Variants in SLC26A7 observed in about 807,000 individuals in gnomAD.
SLC26A7 encodes solute carrier family 26 member 7, also known as anion exchange transporter.
SLC26A7 carries 59 observed loss-of-function variants against 82.5 expected under a neutral mutation model. That is an observed-to-expected ratio of 0.72 (90% confidence interval 0.58 to 0.89). SLC26A7 has a LOEUF of 0.89. Ranked by LOEUF, SLC26A7 falls within the 40% of genes least tolerant of loss-of-function variation. SLC26A7 has a pLI of 0.00. For synonymous variants in SLC26A7, 271 were observed against 274.3 expected (o/e 0.99, Z 0.12); for missense variants, 820 against 793.0 (o/e 1.03, Z -0.41).
chr8:91,368,054 A>G (rs559370199), intron 14 of SLC26A7, among the ~76,000 whole-genome samples: 1 of 152,212 alleles, frequency 6.6e-6, no homozygotes, highest in African/African-American at 2.4e-5. Context: ...ATTATTAAGG[A>G]TTTCAAGATG....
chr8:91,216,964 C>A (rs945537816), intron 1 of SLC26A7, among the ~76,000 whole-genome samples: 1 of 152,116 alleles, frequency 6.6e-6, no homozygotes, highest in African/African-American at 2.4e-5. Context: ...TCTCCCCAGG[C>A]AGACACATTC....
At chr8:91,379,425 C>A (rs1814608831) in intron 15 of SLC26A7, among the ~76,000 whole-genome samples, 2 of 151,928 alleles carry the variant, frequency 1.3e-5, no homozygotes, top group Admixed American at 1.3e-4. Flanking sequence ...TATTATAAAG[C>A]TCTAATAATC....
At chr8:91,333,751 C>T (rs567983360) in intron 5 of SLC26A7, among the ~76,000 whole-genome samples, 2 of 152,216 alleles carry the variant, frequency 1.3e-5, no homozygotes, top group African/African-American at 4.8e-5. Flanking sequence ...TCGCAATGGG[C>T]ATGGTGCTTG....
intron 2 of SLC26A7, among the ~76,000 whole-genome samples, chr8:91,225,822 C>T (rs1184530255): frequency 6.6e-6 from 1 of 151,864 alleles, no homozygotes; most frequent in African/African-American, 2.4e-5. Context: ...TTGTCAGATT[C>T]CAAGGTACTG....
At chr8:91,354,751 C>T (rs549098476) in intron 11 of SLC26A7, among the ~76,000 whole-genome samples, 1 of 152,068 alleles carries the variant, frequency 6.6e-6, no homozygotes, top group Non-Finnish European at 1.5e-5. Context: ...ATTTGTTAGT[C>T]CTCACCACCA....
chr8:91,348,354 G>T, intron 9 of SLC26A7: 3 of 985,306 alleles, frequency 3.0e-6, no homozygotes, highest in Non-Finnish European at 3.6e-6. Context: ...AACTGCTTAG[G>T]AAGTAAATGG....
At chr8:91,324,433 A>G (rs1812880370) in intron 5 of SLC26A7, among the ~76,000 whole-genome samples, 2 of 152,196 alleles carry the variant, frequency 1.3e-5, no homozygotes, top group African/African-American at 4.8e-5. Context: ...ATCATGACTC[A>G]TGTTTAAAGG....
intron 16 of SLC26A7, 87 bp downstream of exon 16, chr8:91,389,525 C>T: frequency 1.1e-6 from 1 of 944,012 alleles, no homozygotes; most frequent in Middle Eastern, 2.3e-4. Context: ...TAGTCTTGAG[C>T]CTGCTTGTTG....
At chr8:91,340,783 C>G in intron 8 of SLC26A7, 1 of 483,740 alleles carries the variant, frequency 2.1e-6, no homozygotes, top group South Asian at 2.2e-5. Context: ...TCATGATGTT[C>G]TTTTTGATTT....
intron 2 of SLC26A7, among the ~76,000 whole-genome samples, chr8:91,279,009 T>G (rs1031269509): frequency 6.6e-6 from 1 of 151,536 alleles, no homozygotes; most frequent in African/African-American, 2.4e-5. Context: ...GTAATTGTCT[T>G]TCTGTGCCTA....
intron 4 of SLC26A7, among the ~76,000 whole-genome samples, chr8:91,317,234 T>C (rs1280957219): frequency 1.3e-5 from 2 of 151,764 alleles, no homozygotes; most frequent in Middle Eastern, 3.4e-3. Context: ...CCCAGCAGAG[T>C]TCAATGCACA....
At chr8:91,383,657 A>AT (rs1344733377) in intron 15 of SLC26A7, among the ~76,000 whole-genome samples, 1 of 152,172 alleles carries the variant, frequency 6.6e-6, no homozygotes, top group Non-Finnish European at 1.5e-5. Context: ...GACATCTTCC[A>AT]TTACCACTTT....
Position 91,318,334 on chromosome 8 carries a change from T to G in SLC26A7, c.596T>G (p.Leu199Trp). The G allele has an allele frequency of 6.2e-7, 1 of 1,612,442 alleles. No homozygotes were observed. The highest frequency in any genetic ancestry group is 8.5e-7 in the Non-Finnish European group (1 of 1,179,146). The change falls in exon 5 of 19, where the codon TTG becomes TGG. Residue 199 changes from leucine to tryptophan, a missense_variant. Physicochemically the swap from Leu to Trp is moderately conservative, Grantham distance 61. Coordinates refer to ENST00000276609, the MANE Select transcript of SLC26A7 (RefSeq NM_052832.4). ...HVVTSQVKYL[L>W]GMKMPYISGP... ...GTGACTTCACAAGTCAAATATCTCT[T>G]GGGAATGAAAATGCCATATATATCC...
At chr8:91,303,047 A>C (rs1434084546) in intron 4 of SLC26A7, among the ~76,000 whole-genome samples, 1 of 152,120 alleles carries the variant, frequency 6.6e-6, no homozygotes, top group Non-Finnish European at 1.5e-5. Context: ...AAAGTCTTTT[A>C]GTGGAATTGA....
chr8:91,299,738 A>C (rs1236171263), intron 4 of SLC26A7, among the ~76,000 whole-genome samples: 5 of 152,068 alleles, frequency 3.3e-5, no homozygotes, highest in Admixed American at 3.3e-4. Context: ...TTGTATTTTT[A>C]ATTTTTGTGT....
At chr8:91,364,621 A>G (rs1814140032) in intron 13 of SLC26A7, among the ~76,000 whole-genome samples, 1 of 152,202 alleles carries the variant, frequency 6.6e-6, no homozygotes. Context: ...TATCCACACC[A>G]CAAGTACACA....
At position 91,352,907 on chromosome 8, in the gene SLC26A7, C is replaced by T. The variant is rs1270753696; in HGVS notation, c.1225C>T (p.Leu409Phe). Residue 409 changes from leucine (L) to phenylalanine (F), a missense_variant, in exon 11 of 19, where the codon CTT (leucine) becomes TTT (phenylalanine). Leu to Phe is a conservative substitution (Grantham distance 22). Coordinates refer to ENST00000276609, the MANE Select transcript of SLC26A7 (RefSeq NM_052832.4). Reference protein sequence around the residue: ...PLLYWLPMCVLASIIVVGLKG... With the variant: ...PLLYWLPMCVFASIIVVGLKG... ...ACTTACGTTTTATTTCTAGTGTGTCCTTGCAAGCATTATTGTTGTGGGACT... is the reference window on the plus strand; with the variant it reads ...ACTTACGTTTTATTTCTAGTGTGTCTTTGCAAGCATTATTGTTGTGGGACT... The T allele has an allele frequency of 1.3e-6, 2 of 1,597,910 alleles. No homozygotes were observed. The highest frequency in any genetic ancestry group is 1.4e-5 in the African/African-American group (1 of 74,044).
At chr8:91,389,789 T>G (rs1410359468) in intron 16 of SLC26A7, among the ~76,000 whole-genome samples, 1 of 152,208 alleles carries the variant, frequency 6.6e-6, no homozygotes, top group Non-Finnish European at 1.5e-5. Flanking sequence ...ACAGGCTGCA[T>G]AAGTAAGTGC....
intron 2 of SLC26A7, among the ~76,000 whole-genome samples, chr8:91,265,011 G>A (rs1563650323): frequency 6.6e-6 from 1 of 151,842 alleles, no homozygotes; most frequent in Non-Finnish European, 1.5e-5. Flanking sequence ...GTAACTTTGT[G>A]CCCATTGGGT....
Sources: gnomAD v4.1 joint callset for allele counts (sites outside exome capture counted in the v4.1 genomes callset) on GRCh38, gnomAD v4.1.1 for gene constraint, MANE v1.5 for transcripts, NCBI Gene and HGNC (gene_info 2026-07-23, HGNC 2026-07-21) for gene names.